The following FBXO25 variants were observed in gnomAD, a reference collection of about 807,000 sequenced individuals.
FBXO25 encodes F-box only protein 25.
A neutral mutation model predicts 51.9 loss-of-function variants in FBXO25; 45 were observed. The observed-to-expected ratio is 0.87, with a 90% CI of 0.68 to 1.11. The LOEUF is 1.11. Ranked by LOEUF, FBXO25 falls within the 50% of genes most tolerant of loss-of-function variation. FBXO25 has a pLI of 0.00. For synonymous variants in FBXO25, 199 were observed against 151.0 expected (o/e 1.32, Z -2.33); for missense variants, 507 against 428.5 (o/e 1.18, Z -1.62).
At chr8:458,232 C>T in intron 7 of FBXO25, 137 bp from the exon 8 acceptor site, 2 of 957,266 alleles carry the variant, frequency 2.1e-6, no homozygotes, top group Admixed American at 2.5e-5. Context: ...CCCCTTGACA[C>T]CTTGCGACGC....
intron 1 of FBXO25, chr8:407,437 G>C (rs1256903492): frequency 2.0e-6 from 2 of 984,864 alleles, no homozygotes; most frequent in Non-Finnish European, 2.4e-6. Context: ...GGCGGCCGGC[G>C]GGTGTGGAGG....
At chr8:467,030 C>T (rs1307563687) in intron 9 of FBXO25, among the ~76,000 whole-genome samples, 1 of 152,110 alleles carries the variant, frequency 6.6e-6, no homozygotes, top group African/African-American at 2.4e-5. Flanking sequence ...TGACGTTCAC[C>T]CCACAGGCCT....
intron 2 of FBXO25, among the ~76,000 whole-genome samples, chr8:425,681 C>G (rs1380863202): frequency 6.6e-6 from 1 of 151,480 alleles, no homozygotes; most frequent in Non-Finnish European, 1.5e-5. Context: ...TTTCTGAGTC[C>G]TATAAATTCT....
intron 2 of FBXO25, among the ~76,000 whole-genome samples, chr8:428,045 A>G (rs1797598711): frequency 6.6e-6 from 1 of 152,184 alleles, no homozygotes; most frequent in South Asian, 2.1e-4. Flanking sequence ...TAAAATGAGG[A>G]TTGTAATTTA....
rs190059977 is a variant in FBXO25 at position 475,117 on chromosome 8, C to A, written c.*6313C>A. The A allele has an allele frequency of 1.7e-5, 6 of 363,162 alleles. No individual in the cohort carries two copies. Among genetic ancestry groups the A allele is most frequent in the East Asian group, 7.3e-5 (1 of 13,632 alleles). The allele number at this position is 363,162 out of a possible 1,614,324, so 22.5% of individuals were successfully genotyped here. A position where few individuals can be genotyped will look rare whatever the true frequency, so the allele number is the denominator to read the frequency against. On this transcript the variant is annotated 3_prime_UTR_variant, in exon 10 of 10. Transcript: ENST00000350302. Reference sequence around the variant, plus strand: ...TTAGCTCTTAGTTTAGGCCTTTGATCTATTTTAATTTTTATATATGGTGTG... The same window carrying A: ...TTAGCTCTTAGTTTAGGCCTTTGATATATTTTAATTTTTATATATGGTGTG...
intron 7 of FBXO25, among the ~76,000 whole-genome samples, chr8:451,941 C>T (rs950393547): frequency 1.2e-4 from 18 of 152,118 alleles, no homozygotes; most frequent in African/African-American, 4.3e-4. Context: ...TTTCTTTATT[C>T]TGGTAACTAG....
intron 8 of FBXO25, 54 bp from the exon 9 acceptor site, chr8:462,953 T>C (rs1799912850): frequency 7.7e-6 from 12 of 1,556,638 alleles, no homozygotes; most frequent in Non-Finnish European, 1.0e-5. Flanking sequence ...ACACCTAATA[T>C]TATGTTTTGA....
intron 4 of FBXO25, among the ~76,000 whole-genome samples, chr8:434,979 C>T (rs542892026): frequency 3.3e-5 from 5 of 152,194 alleles, no homozygotes; most frequent in Admixed American, 1.3e-4. Context: ...GAAAGCTGCC[C>T]GTGGTCACAT....
intron 5 of FBXO25, among the ~76,000 whole-genome samples, chr8:441,929 CTG>C (rs1331503122): frequency 2.6e-5 from 4 of 152,184 alleles, no homozygotes; most frequent in African/African-American, 9.7e-5. Context: ...AGTTCAACCA[CTG>C]TGGAAGACAG....
In FBXO25 at chr8:459,969, A is replaced by G. The variant is rs373231481; in HGVS notation, c.843+1418A>G. Among the ~76,000 whole-genome samples, 14 of 152,290 alleles carry G rather than the reference A, an allele frequency of 9.2e-5. No individual in the cohort carries two copies. In the South Asian group the frequency reaches 2.7e-3, roughly 29 times the overall value. ...AGTGGACTTGTTCGGGAGAAGCAAA[A>G]GAATTCCAGTATTAATTTGAGTAGG... On this transcript the variant is annotated intron_variant, in intron 8 of 9. Transcript: ENST00000350302.
intron 5 of FBXO25, among the ~76,000 whole-genome samples, chr8:437,775 T>C (rs1798188977): frequency 6.6e-6 from 1 of 151,816 alleles, no homozygotes; most frequent in African/African-American, 2.4e-5. Context: ...TATGCATTTA[T>C]CATACATACT....
intron 2 of FBXO25, among the ~76,000 whole-genome samples, chr8:430,697 G>A (rs1253216622): frequency 6.6e-6 from 1 of 152,096 alleles, no homozygotes; most frequent in African/African-American, 2.4e-5. Flanking sequence ...ACTATTTACA[G>A]GTGTTTTTTT....
In FBXO25 at chr8:476,804, C is replaced by G. The variant is rs1332237669; in HGVS notation, c.*8000C>G. The G allele has an allele frequency of 2.7e-5, 4 of 146,980 alleles. No homozygotes were observed. Among genetic ancestry groups the G allele is most frequent in the South Asian group, 2.1e-4 (1 of 4,768 alleles). The allele number at this position is 146,980 out of a possible 1,614,324, so 9.1% of individuals were successfully genotyped here. ...TTCTGTTCTCTATTTTGTCTCTGCT[C>G]TAATCTTTATTATTATTATAATCAT... On this transcript the variant is annotated 3_prime_UTR_variant, in exon 10 of 10. Coordinates refer to ENST00000350302, the MANE Select transcript of FBXO25 (RefSeq NM_183420.2).
chr8:468,371 A>G, intron 9 of FBXO25: 1 of 714,760 alleles, frequency 1.4e-6, no homozygotes, highest in African/African-American at 1.9e-5. Context: ...ACCAGAGGAC[A>G]GAAAGTCCCC....
In FBXO25 at chr8:450,042, A is replaced by G. The variant is rs770069942; in HGVS notation, c.434A>G (p.Gln145Arg). 6 of 1,613,592 alleles carry G rather than the reference A, an allele frequency of 3.7e-6. No individual in the cohort carries two copies. In the South Asian group the frequency reaches 4.4e-5, roughly 12 times the overall value. The change falls in exon 6 of 10, where the codon CAG (glutamine) becomes CGG (arginine). Residue 145 changes from glutamine (Q) to arginine (R), a missense_variant. By Grantham distance (43) the Gln-to-Arg change is conservative. Coordinates refer to ENST00000350302, the MANE Select transcript of FBXO25 (RefSeq NM_183420.2). ...TTAACTTCATTGAGTGGCGTGGCAC[A>G]GAAGAATTACTTCAACATTTTGGAT... Reference protein sequence around the residue: ...SQLTSLSGVAQKNYFNILDKI... With the variant: ...SQLTSLSGVARKNYFNILDKI...
At chr8:412,776 C>G (rs1796561607) in intron 1 of FBXO25, among the ~76,000 whole-genome samples, 1 of 152,264 alleles carries the variant, frequency 6.6e-6, no homozygotes, top group Admixed American at 6.5e-5. Context: ...ATTCCCTATT[C>G]CACACTCCCT....
At chr8:455,241 G>T (rs1234132996) in intron 7 of FBXO25, among the ~76,000 whole-genome samples, 2 of 152,180 alleles carry the variant, frequency 1.3e-5, no homozygotes, top group Non-Finnish European at 2.9e-5. Context: ...CTCTGCCAAG[G>T]GTCATTGAAA....
chr8:474,939 G>C lies in FBXO25; in HGVS notation c.*6135G>C, dbSNP rs934605096. 4 of 450,852 alleles carry C rather than the reference G, an allele frequency of 8.9e-6. No individual in the cohort carries two copies. The highest frequency in any genetic ancestry group is 1.8e-5 in the Non-Finnish European group (4 of 225,796). The allele number at this position is 450,852 out of a possible 1,614,324, so 27.9% of individuals were successfully genotyped here. A position where few individuals can be genotyped will look rare whatever the true frequency, so the allele number is the denominator to read the frequency against. The stretch of plus-strand genomic sequence containing the variant: ...TTAAAATACTTTGTCCCATTCCGTG[G>C]ATTGCCTTTCACTCTGTTTTGTTCT... On this transcript the variant is annotated 3_prime_UTR_variant, in exon 10 of 10. Coordinates refer to ENST00000350302, the MANE Select transcript of FBXO25 (RefSeq NM_183420.2).
chr8:428,067 G>T (rs1296487539), intron 2 of FBXO25, among the ~76,000 whole-genome samples: 5 of 152,176 alleles, frequency 3.3e-5, no homozygotes, highest in African/African-American at 1.2e-4. Context: ...AGAAATTGGG[G>T]TTTAATTATG....
Sources: gnomAD v4.1 joint callset for allele counts (sites outside exome capture counted in the v4.1 genomes callset) on GRCh38, gnomAD v4.1.1 for gene constraint, MANE v1.5 for transcripts, NCBI Gene and HGNC (gene_info 2026-07-23, HGNC 2026-07-21) for gene names.